SYT9: variants seen among roughly 807,000 people sequenced by gnomAD.
SYT9 encodes synaptotagmin-9.
SYT9 carries 22 observed loss-of-function variants against 48.4 expected under a neutral mutation model. The ratio of observed to expected loss-of-function variants is 0.45; its 90% CI spans 0.32 to 0.65. SYT9 has a LOEUF of 0.65. Among genes scored for constraint, SYT9 ranks in the 30% least tolerant of loss-of-function variants. The pLI is 0.03. For missense variants in SYT9, 577 were observed against 622.0 expected (o/e 0.93, Z 0.77); for synonymous variants, 265 against 245.0 (o/e 1.08, Z -0.76).
rs1298617884 is a variant in SYT9 at position 7,407,429 on chromosome 11, G to A, written c.1045-8613G>A. 4.4e-5 allele frequency among the ~76,000 whole-genome samples: 2 copies of A among 45,610 alleles called. 1 individual carries two copies. The highest frequency in any genetic ancestry group is 7.8e-5 in the Non-Finnish European group (2 of 25,678). 29.9% of individuals were successfully genotyped at this position (45,610 alleles called of 152,430 possible). On this transcript the variant is annotated intron_variant, in intron 3 of 6. Coordinates refer to ENST00000318881, the MANE Select transcript of SYT9 (RefSeq NM_175733.4). ...CGCTCTGTCGCCCAGGCCGGACTGC[G>A]GACTGCAGTGGCGCAATCTCGGCTC...
At chr11:7,424,194 G>A (rs1847409328) in intron 6 of SYT9, among the ~76,000 whole-genome samples, 1 of 152,222 alleles carries the variant, frequency 6.6e-6, no homozygotes, top group Admixed American at 6.5e-5. Context: ...TTCAAAGCCA[G>A]TGAGTTCAAA....
At chr11:7,360,003 T>C (rs1850100894) in intron 3 of SYT9, among the ~76,000 whole-genome samples, 1 of 151,834 alleles carries the variant, frequency 6.6e-6, no homozygotes, top group Non-Finnish European at 1.5e-5. Context: ...TGTAAGTCTT[T>C]AATCCATCTT....
At chr11:7,457,502 G>C (rs1848169296) in intron 6 of SYT9, 1 of 152,180 alleles carries the variant, frequency 6.6e-6, no homozygotes, top group South Asian at 2.1e-4. Flanking sequence ...ATAAGTTCTT[G>C]TTGGACAGAA....
At chr11:7,282,892 T>C (rs139255104) in intron 1 of SYT9, among the ~76,000 whole-genome samples, 1 of 151,234 alleles carries the variant, frequency 6.6e-6, no homozygotes, top group East Asian at 1.9e-4. Context: ...ATCCAAGTAA[T>C]ATATGCACCG....
chr11:7,370,743 G>A (rs979197394), intron 3 of SYT9, among the ~76,000 whole-genome samples: 15 of 152,118 alleles, frequency 9.9e-5, no homozygotes, highest in Admixed American at 7.9e-4. Flanking sequence ...GATAAATATG[G>A]AGATAATTAG....
chr11:7,382,423 A>T (rs554141664), intron 3 of SYT9, among the ~76,000 whole-genome samples: 53 of 151,222 alleles, frequency 3.5e-4, no homozygotes, highest in Non-Finnish European at 6.4e-4. Flanking sequence ...ACTGAGAGGA[A>T]TTTTTTTTTT....
chr11:7,423,076 C>G (rs1590018056), intron 6 of SYT9, among the ~76,000 whole-genome samples: 2 of 152,184 alleles, frequency 1.3e-5, no homozygotes, highest in Admixed American at 1.3e-4. Context: ...TGAACTGTTA[C>G]AGCAGAACTA....
chr11:7,267,107 T>C (rs1009827873), intron 1 of SYT9, among the ~76,000 whole-genome samples: 6 of 152,036 alleles, frequency 3.9e-5, no homozygotes, highest in African/African-American at 1.4e-4. Context: ...TACAATAAAC[T>C]GTAAAGACTT....
intron 3 of SYT9, among the ~76,000 whole-genome samples, chr11:7,341,976 G>T (rs370452668): frequency 6.8e-4 from 103 of 152,198 alleles, no homozygotes; most frequent in African/African-American, 2.4e-3. Flanking sequence ...CAAGTGAAAG[G>T]GGAAACCCCT....
At chr11:7,294,636 C>T (rs1288214242) in intron 1 of SYT9, among the ~76,000 whole-genome samples, 1 of 152,168 alleles carries the variant, frequency 6.6e-6, no homozygotes, top group Non-Finnish European at 1.5e-5. Context: ...TCCTAAGGCT[C>T]AAAAATAATC....
At chr11:7,246,671 G>C (rs148373575) in intron 1 of SYT9, among the ~76,000 whole-genome samples, 16 of 152,146 alleles carry the variant, frequency 1.1e-4, no homozygotes, top group African/African-American at 3.6e-4. Flanking sequence ...TGCATTAAAA[G>C]GTTGCTCCCA....
intron 3 of SYT9, among the ~76,000 whole-genome samples, chr11:7,319,893 C>G (rs958206044): frequency 1.3e-5 from 2 of 152,106 alleles, no homozygotes; most frequent in African/African-American, 4.8e-5. Flanking sequence ...TGTTTCTGTC[C>G]ACTGAAAAAT....
At chr11:7,371,008 ATAG>A (rs1850351837) in intron 3 of SYT9, among the ~76,000 whole-genome samples, 1 of 152,286 alleles carries the variant, frequency 6.6e-6, no homozygotes, top group African/African-American at 2.4e-5. Context: ...ATGTACCAAC[ATAG>A]TAGATTTTAC....
chr11:7,273,349 T>A (rs527388779), intron 1 of SYT9, among the ~76,000 whole-genome samples: 110 of 152,258 alleles, frequency 7.2e-4, no homozygotes, highest in African/African-American at 2.6e-3. Context: ...GTGTTTTTGT[T>A]TTTTGTTTGT....
intron 2 of SYT9, among the ~76,000 whole-genome samples, chr11:7,306,671 T>C (rs776390721): frequency 6.6e-6 from 1 of 152,150 alleles, no homozygotes; most frequent in Non-Finnish European, 1.5e-5. Flanking sequence ...TTTACTTCCC[T>C]TACACCCTAG....
chr11:7,254,831 G>C (rs1443508199), intron 1 of SYT9, among the ~76,000 whole-genome samples: 1 of 152,144 alleles, frequency 6.6e-6, no homozygotes, highest in Non-Finnish European at 1.5e-5. Flanking sequence ...AAGTGACCCT[G>C]CATCTAGGAA....
chr11:7,364,983 A>G (rs914626947), intron 3 of SYT9, among the ~76,000 whole-genome samples: 7 of 152,086 alleles, frequency 4.6e-5, no homozygotes, highest in Admixed American at 4.6e-4. Context: ...GGTTTTATGG[A>G]TTGCTAGGGG....
chr11:7,292,294 G>C (rs928345449), intron 1 of SYT9, among the ~76,000 whole-genome samples: 2 of 152,156 alleles, frequency 1.3e-5, no homozygotes, highest in Non-Finnish European at 2.9e-5. Flanking sequence ...TGTGGAAAAG[G>C]GTCCTGTGGG....
chr11:7,411,494 G>C (rs770776927), intron 3 of SYT9, among the ~76,000 whole-genome samples: 1 of 152,132 alleles, frequency 6.6e-6, no homozygotes, highest in Non-Finnish European at 1.5e-5. Context: ...GGATAATTTT[G>C]CTACATAGTA....
Sources: allele counts gnomAD v4.1 joint callset (sites outside exome capture counted in the v4.1 genomes callset), GRCh38; gene constraint gnomAD v4.1.1; transcripts MANE v1.5; gene names NCBI Gene and HGNC (gene_info 2026-07-23, HGNC 2026-07-21).